GSKIP: variants seen among roughly 807,000 people sequenced by gnomAD.
GSKIP encodes GSK3B interacting protein, also known as GSK3B-interacting protein.
In GSKIP, 5 loss-of-function variants were observed where a neutral mutation model predicts 11.9. The ratio of observed to expected loss-of-function variants is 0.42; its 90% CI spans 0.22 to 0.89. The LOEUF is 0.89. GSKIP is among the 40% of genes least tolerant of loss of function. GSKIP has a pLI of 0.29. For synonymous variants in GSKIP, 70 were observed against 62.9 expected, an observed-to-expected ratio of 1.11 and a Z score of -0.54; for missense variants, 150 against 166.6, an observed-to-expected ratio of 0.90 and a Z score of 0.55.
chr14:96,370,754 A>C (rs1031649935), intron 1 of GSKIP, among the ~76,000 whole-genome samples: 1 of 152,136 alleles, frequency 6.6e-6, no homozygotes, highest in African/African-American at 2.4e-5. Flanking sequence ...GGCCATTGCA[A>C]ATGCCGGCAC....
chr14:96,385,886 G>T lies in GSKIP; in HGVS notation c.*202G>T. On this transcript the variant is annotated 3_prime_UTR_variant, in exon 4 of 4. Coordinates refer to ENST00000555181, the MANE Select transcript of GSKIP (RefSeq NM_016472.5). ...TCAGTAAGGGAATTCTGAGGCCGTT[G>T]CTATGATACCATCATTAAGACATTC... The T allele has an allele frequency of 2.0e-6, 1 of 499,878 alleles. No homozygotes were observed. The highest frequency in any genetic ancestry group is 3.6e-6 in the Non-Finnish European group (1 of 279,722). 31.0% of individuals were successfully genotyped at this position (499,878 alleles called of 1,614,324 possible).
intron 2 of GSKIP, chr14:96,380,102 A>G (rs1395379249): frequency 1.3e-5 from 2 of 152,194 alleles, no homozygotes; most frequent in Non-Finnish European, 2.9e-5. Context: ...TTTTTTTCCT[A>G]TATAATAAGT....
chr14:96,381,923 T>A (rs1453349864), intron 2 of GSKIP, among the ~76,000 whole-genome samples: 2 of 152,186 alleles, frequency 1.3e-5, no homozygotes, highest in African/African-American at 4.8e-5. Context: ...ATTATACATT[T>A]AAAAATATGT....
Position 96,379,683 on chromosome 14 carries a change from T to C in GSKIP, c.-102-5T>C, listed in dbSNP as rs535946580. The stretch of plus-strand genomic sequence containing the variant: ...TTAGGAAAGGTGTCTTCCTCTTTTT[T>C]GCAGCTCGGTGCTGATTATCACAAC... On this transcript the variant is annotated splice_region_variant and splice_polypyrimidine_tract_variant and intron_variant, in intron 1 of 3. Coordinates refer to ENST00000555181, the MANE Select transcript of GSKIP (RefSeq NM_016472.5). The C allele has an allele frequency of 6.6e-6, 1 of 152,196 alleles. No individual in the cohort carries two copies. The highest frequency in any genetic ancestry group is 2.1e-4 in the South Asian group (1 of 4,828). 9.4% of individuals were successfully genotyped at this position (152,196 alleles called of 1,614,324 possible).
intron 1 of GSKIP, among the ~76,000 whole-genome samples, chr14:96,370,792 A>G (rs1484621536): frequency 6.6e-6 from 1 of 152,176 alleles, no homozygotes; most frequent in Non-Finnish European, 1.5e-5. Flanking sequence ...CTGTGGAACG[A>G]TGAGCCAAAT....
intron 1 of GSKIP, among the ~76,000 whole-genome samples, chr14:96,375,285 G>GC (rs1889166298): frequency 6.6e-6 from 1 of 152,066 alleles, no homozygotes; most frequent in South Asian, 2.1e-4. Context: ...CAAAGAAATA[G>GC]CAAGACAGCA....
At chr14:96,374,376 A>T (rs1469992188) in intron 1 of GSKIP, among the ~76,000 whole-genome samples, 1 of 152,204 alleles carries the variant, frequency 6.6e-6, no homozygotes, top group Non-Finnish European at 1.5e-5. Flanking sequence ...AATTTTCCAA[A>T]TTTGTTGAAA....
Position 96,381,447 on chromosome 14 carries a change from C to T in GSKIP, c.-1-800C>T, listed in dbSNP as rs776531983. Reference sequence around the variant, plus strand: ...ATGGATGAGTTAAATTCAGATACAACGAGAATTTAGGGGATTTTTAAAATG... The same window carrying T: ...ATGGATGAGTTAAATTCAGATACAATGAGAATTTAGGGGATTTTTAAAATG... On this transcript the variant is annotated intron_variant, in intron 2 of 3. Coordinates refer to ENST00000555181, the MANE Select transcript of GSKIP (RefSeq NM_016472.5). 4.8e-4 allele frequency among the ~76,000 whole-genome samples: 73 copies of T among 151,928 alleles called. 1 individual carries two copies. Among genetic ancestry groups the T allele is most frequent in the Non-Finnish European group, 7.8e-4 (53 of 68,000 alleles).
At chr14:96,371,930 T>A (rs1309927976) in intron 1 of GSKIP, among the ~76,000 whole-genome samples, 3 of 152,148 alleles carry the variant, frequency 2.0e-5, no homozygotes, top group African/African-American at 7.2e-5. Flanking sequence ...TTGAATTAAG[T>A]CCTTGGGTTA....
rs1411862396 is a variant in GSKIP, at chr14:96,380,638, A to G, written c.-2+850A>G. ...AATAGGGCATAACTTGGAAATAGCA[A>G]TGGACTGTGCAGTGTACCAGATCGG... On this transcript the variant is annotated intron_variant, in intron 2 of 3. Coordinates refer to ENST00000555181, the MANE Select transcript of GSKIP (RefSeq NM_016472.5). Among the ~76,000 whole-genome samples the G allele has an allele frequency of 2.0e-5, 3 of 152,246 alleles. No individual in the cohort carries two copies. In the South Asian group the frequency reaches 6.2e-4, roughly 31 times the overall value.
intron 1 of GSKIP, among the ~76,000 whole-genome samples, chr14:96,376,665 A>G (rs568159924): frequency 6.5e-4 from 99 of 152,336 alleles, no homozygotes; most frequent in African/African-American, 2.4e-3. Context: ...TCTGCCACTC[A>G]CAATTAAGTA....
chr14:96,372,520 A>C (rs1889075584), intron 1 of GSKIP, among the ~76,000 whole-genome samples: 1 of 152,226 alleles, frequency 6.6e-6, no homozygotes, highest in Middle Eastern at 3.2e-3. Flanking sequence ...GTGTTAAAAT[A>C]AAATTTTTTA....
In GSKIP at chr14:96,373,229, CAAAAAAAAAAA is replaced by C. The variant is rs57931398; in HGVS notation, c.-102-6446_-102-6436del. On this transcript the variant is annotated intron_variant, in intron 1 of 3. Coordinates refer to ENST00000555181, the MANE Select transcript of GSKIP (RefSeq NM_016472.5). ...TGGGTGACAGAGCGAGACTCTGTCTCAAAAAAAAAAAAAAAAAAAAAAAGAAAGGAGGATAC... is the reference window on the plus strand; with the variant it reads ...TGGGTGACAGAGCGAGACTCTGTCTCAAAAAAAAAAAAGAAAGGAGGATAC... Among the ~76,000 whole-genome samples the C allele has an allele frequency of 7.0e-3, 582 of 82,856 alleles. 4 individuals are homozygous for C. Among genetic ancestry groups the C allele is most frequent in the Middle Eastern group, 0.014 (2 of 140 alleles). 54.4% of individuals were successfully genotyped at this position (82,856 alleles called of 152,430 possible). A position where few individuals can be genotyped will look rare whatever the true frequency, so the allele number is the denominator to read the frequency against.
In GSKIP at chr14:96,385,807, C is replaced by G; in HGVS notation, c.*123C>G. ...TTGTGTTTTTATCACTTGCTTCCAA[C>G]TTAGGCTTTTGGCTCAGAAGATTAT... is the stretch of plus-strand genomic sequence containing the variant. On this transcript the variant is annotated 3_prime_UTR_variant, in exon 4 of 4. Transcript: ENST00000555181. 1 of 715,638 alleles carries G rather than the reference C, an allele frequency of 1.4e-6. No individual in the cohort carries two copies. Among genetic ancestry groups the G allele is most frequent in the Non-Finnish European group, 2.2e-6 (1 of 447,056 alleles). The allele number at this position is 715,638 out of a possible 1,614,324, so 44.3% of individuals were successfully genotyped here. A position where few individuals can be genotyped will look rare whatever the true frequency, so the allele number is the denominator to read the frequency against.
At chr14:96,381,487 G>A (rs2139942499) in intron 2 of GSKIP, among the ~76,000 whole-genome samples, 1 of 152,248 alleles carries the variant, frequency 6.6e-6, no homozygotes, top group African/African-American at 2.4e-5. Context: ...CATGGTATGG[G>A]GAAGGCCTAG....
intron 1 of GSKIP, among the ~76,000 whole-genome samples, chr14:96,373,307 T>C (rs1382786599): frequency 6.6e-6 from 1 of 150,376 alleles, no homozygotes; most frequent in East Asian, 2.0e-4. Flanking sequence ...ATGAAAATTA[T>C]ACATCTCCTC....
At chr14:96,375,785 A>T (rs1889184515) in intron 1 of GSKIP, among the ~76,000 whole-genome samples, 2 of 152,208 alleles carry the variant, frequency 1.3e-5, no homozygotes, top group African/African-American at 4.8e-5. Flanking sequence ...TAGAGGGGTC[A>T]CATTTGGAGA....
chr14:96,380,719 A>T (rs572939489), intron 2 of GSKIP, among the ~76,000 whole-genome samples: 9 of 152,306 alleles, frequency 5.9e-5, no homozygotes, highest in African/African-American at 1.7e-4. Context: ...TTTAAGAGCC[A>T]GGTGTGGTGG....
At chr14:96,368,774 C>T (rs2139928852) in intron 1 of GSKIP, among the ~76,000 whole-genome samples, 1 of 152,246 alleles carries the variant, frequency 6.6e-6, no homozygotes, top group South Asian at 2.1e-4. Context: ...TTCCTTCCTT[C>T]ACCATGTGAT....
Sources: allele counts gnomAD v4.1 joint callset (sites outside exome capture counted in the v4.1 genomes callset), GRCh38; gene constraint gnomAD v4.1.1; transcripts MANE v1.5; gene names NCBI Gene and HGNC (gene_info 2026-07-23, HGNC 2026-07-21).